The following FMN2 variants were observed in gnomAD, a reference collection of about 807,000 sequenced individuals.
FMN2 encodes the protein formin-2.
A neutral mutation model predicts 142.3 loss-of-function variants in FMN2; 51 were observed. That is an observed-to-expected ratio of 0.36 (90% CI 0.29 to 0.45). The LOEUF is 0.45. Ranked by LOEUF, FMN2 falls within the 20% of genes least tolerant of loss-of-function variation. The pLI, the probability that FMN2 is intolerant of heterozygous loss-of-function variation, is 1.00. For synonymous variants in FMN2, 882 were observed against 869.8 expected (o/e 1.01, Z -0.25); for missense variants, 1,936 against 2,122.8 (o/e 0.91, Z 1.73).
Position 240,367,767 on chromosome 1 carries a change from CAAAAAAA to C in FMN2, c.4858+11877_4858+11883del, listed in dbSNP as rs60368715. On this transcript the variant is annotated intron_variant, in intron 14 of 17. Coordinates refer to ENST00000319653, the MANE Select transcript of FMN2 (RefSeq NM_020066.5). ...TGGGTGACAGAGCGAGACTCAGTCT[CAAAAAAA>C]AAAAAAAAAAAAAAAAAGAAATCCT... Among the ~76,000 whole-genome samples, 374 of 54,068 alleles carry C rather than the reference CAAAAAAA, an allele frequency of 6.9e-3. 2 individuals are homozygous for C. Among genetic ancestry groups the C allele is most frequent in the African/African-American group, 0.017 (342 of 20,436 alleles). The allele number at this position is 54,068 out of a possible 152,430, so 35.5% of individuals were successfully genotyped here.
chr1:240,133,750 C>T (rs1662832614), intron 2 of FMN2, among the ~76,000 whole-genome samples: 1 of 152,224 alleles, frequency 6.6e-6, no homozygotes, highest in Non-Finnish European at 1.5e-5. Context: ...AGATGCCATT[C>T]CTTCCCAGAC....
In FMN2 at chr1:240,093,195, G is replaced by A. The variant is rs764606475; in HGVS notation, c.1086G>A (p.Pro362=). ...DAFEDAPRGS[P]GEEWAPEVGE... ...TTGAGGATGCGCCCCGGGGCTCTCC[G>A]GGGGAGGAGTGGGCCCCGGAGGTGG... The change falls in exon 1 of 18, where the codon CCG becomes CCA. Residue 362 remains proline (P), a synonymous_variant. Coordinates refer to ENST00000319653, the MANE Select transcript of FMN2 (RefSeq NM_020066.5). 20 of 1,481,534 alleles carry A rather than the reference G, an allele frequency of 1.3e-5. No homozygotes were observed. The African/African-American group carries it at 1.8e-4, about 14-fold the overall frequency. The allele number at this position is 1,481,534 out of a possible 1,614,324, so 91.8% of individuals were successfully genotyped here. A position where few individuals can be genotyped will look rare whatever the true frequency, so the allele number is the denominator to read the frequency against.
intron 8 of FMN2, among the ~76,000 whole-genome samples, chr1:240,308,560 A>T (rs57590439): frequency 0.032 from 4,946 of 152,252 alleles, 265 homozygotes; most frequent in African/African-American, 0.11. Context: ...AGAAACAGAA[A>T]CTAAGAACCC....
chr1:240,143,041 A>G (rs878881537), intron 2 of FMN2: 3 of 1,495,228 alleles, frequency 2.0e-6, no homozygotes, highest in Non-Finnish European at 2.8e-6. Flanking sequence ...ATAAGCTGCC[A>G]GTCACTGTGG....
At chr1:240,130,053 G>T (rs1373424867) in intron 2 of FMN2, among the ~76,000 whole-genome samples, 3 of 151,890 alleles carry the variant, frequency 2.0e-5, no homozygotes, top group Non-Finnish European at 4.4e-5. Context: ...CTCTACTTTT[G>T]CCTTCATTTA....
chr1:240,227,647 A>G (rs947697851), intron 6 of FMN2, among the ~76,000 whole-genome samples: 3 of 152,180 alleles, frequency 2.0e-5, no homozygotes, highest in African/African-American at 7.2e-5. Context: ...CAGTTCTTAC[A>G]TTTATGGTCT....
At chr1:240,097,895 T>C (rs1375714899) in intron 1 of FMN2, among the ~76,000 whole-genome samples, 1 of 152,104 alleles carries the variant, frequency 6.6e-6, no homozygotes, top group East Asian at 1.9e-4. Context: ...GACAGTAAAG[T>C]AACTTCTTGT....
chr1:240,453,142 T>G (rs1258913096), intron 16 of FMN2, among the ~76,000 whole-genome samples: 1 of 152,198 alleles, frequency 6.6e-6, no homozygotes, highest in Non-Finnish European at 1.5e-5. Flanking sequence ...TAGCACACGC[T>G]TTCACATATA....
chr1:240,143,437 T>C, intron 2 of FMN2: 3 of 1,445,988 alleles, frequency 2.1e-6, no homozygotes, highest in Non-Finnish European at 2.9e-6. Flanking sequence ...CACTCCCTGA[T>C]GTGCTCCCAT....
intron 4 of FMN2, among the ~76,000 whole-genome samples, chr1:240,188,812 C>T (rs945723424): frequency 3.3e-5 from 5 of 152,166 alleles, no homozygotes; most frequent in Admixed American, 1.3e-4. Flanking sequence ...ATTGGACTTA[C>T]ACTTCCACAT....
At chr1:240,335,465 T>C (rs1210548213) in intron 13 of FMN2, among the ~76,000 whole-genome samples, 1 of 152,200 alleles carries the variant, frequency 6.6e-6, no homozygotes, top group Non-Finnish European at 1.5e-5. Context: ...TGCTATAGTA[T>C]TATACTTCAA....
rs1676837385 is a variant in FMN2 at position 240,472,293 on chromosome 1, G to C, written c.5061-79G>C. 4 of 947,790 alleles carry C rather than the reference G, an allele frequency of 4.2e-6. No homozygotes were observed. In the South Asian group the frequency reaches 4.4e-5, roughly 10 times the overall value. 58.7% of individuals were successfully genotyped at this position (947,790 alleles called of 1,614,324 possible). The stretch of plus-strand genomic sequence containing the variant: ...GTAATTCAAATCTTTATTGAGTTGA[G>C]GTTTGCTCACTTACTATAAGGTAGA... On this transcript the variant is annotated intron_variant, in intron 16 of 17. Coordinates refer to ENST00000319653, the MANE Select transcript of FMN2 (RefSeq NM_020066.5).
intron 15 of FMN2, among the ~76,000 whole-genome samples, chr1:240,436,709 A>C (rs1021613395): frequency 3.3e-5 from 5 of 151,806 alleles, no homozygotes; most frequent in Non-Finnish European, 5.9e-5. Context: ...TTTAATGCTC[A>C]AACTGTTTTT....
chr1:240,364,114 G>A (rs1672584728), intron 14 of FMN2, among the ~76,000 whole-genome samples: 1 of 152,284 alleles, frequency 6.6e-6, no homozygotes, highest in Middle Eastern at 3.4e-3. Flanking sequence ...GTCAGTCTGA[G>A]CAGCCATTAT....
chr1:240,367,389 GCTGA>G lies in FMN2; in HGVS notation c.4858+11484_4858+11487del, dbSNP rs1487200672. Among the ~76,000 whole-genome samples the G allele has an allele frequency of 2.0e-5, 3 of 152,098 alleles. No individual in the cohort carries two copies. In the East Asian group the frequency reaches 5.8e-4, roughly 29 times the overall value. ...GAGCTTGTCTTTTCATTTTTCTTTT[GCTGA>G]CTATTGATTTTAAAAGTTCTTTATT... On this transcript the variant is annotated intron_variant, in intron 14 of 17. Coordinates refer to ENST00000319653, the MANE Select transcript of FMN2 (RefSeq NM_020066.5).
chr1:240,192,533 A>G (rs1665738123), intron 4 of FMN2, among the ~76,000 whole-genome samples: 1 of 152,224 alleles, frequency 6.6e-6, no homozygotes. Flanking sequence ...ATAACCCACA[A>G]GACAAGTAAA....
chr1:240,277,241 A>C (rs906850577), intron 7 of FMN2, among the ~76,000 whole-genome samples: 2 of 152,176 alleles, frequency 1.3e-5, no homozygotes, highest in Middle Eastern at 3.2e-3. Flanking sequence ...TTTGGAAGAG[A>C]ATACAGATTG....
chr1:240,201,031 T>C (rs961247281), intron 4 of FMN2, among the ~76,000 whole-genome samples: 1 of 152,228 alleles, frequency 6.6e-6, no homozygotes, highest in African/African-American at 2.4e-5. Context: ...TATTGTATCT[T>C]ACATTTGAAA....
intron 16 of FMN2, among the ~76,000 whole-genome samples, chr1:240,456,336 A>G (rs1264525697): frequency 2.0e-5 from 3 of 152,218 alleles, no homozygotes; most frequent in Admixed American, 1.3e-4. Flanking sequence ...GTGAGTGTTC[A>G]TATACTTACA....
Sources: gnomAD v4.1 joint callset for allele counts (sites outside exome capture counted in the v4.1 genomes callset) on GRCh38, gnomAD v4.1.1 for gene constraint, MANE v1.5 for transcripts, NCBI Gene and HGNC (gene_info 2026-07-23, HGNC 2026-07-21) for gene names.